PCDHA2: variants seen among roughly 807,000 people sequenced by gnomAD.
PCDHA2 encodes the protein protocadherin alpha-2.
Under a neutral mutation model 66.0 loss-of-function variants are expected in PCDHA2, and 58 were observed. The ratio of observed to expected loss-of-function variants is 0.88; its 90% CI spans 0.71 to 1.09. PCDHA2 has a LOEUF of 1.09. PCDHA2 is among the 50% of genes least tolerant of loss of function. The pLI, the probability that PCDHA2 is intolerant of heterozygous loss-of-function variation, is 0.00. For missense variants in PCDHA2, 1,267 were observed against 1,242.3 expected (o/e 1.02, Z -0.30); for synonymous variants, 634 against 554.0 (o/e 1.14, Z -2.03).
intron 1 of PCDHA2, chr5:140,863,783 G>A: frequency 4.4e-6 from 1 of 226,522 alleles, no homozygotes; most frequent in South Asian, 6.5e-5. Flanking sequence ...CGGATCACTC[G>A]AGGCCAGGAG....
At chr5:140,843,435 G>A (rs2150359827) in intron 1 of PCDHA2, 3 of 1,596,130 alleles carry the variant, frequency 1.9e-6, no homozygotes, top group Non-Finnish European at 2.6e-6. Flanking sequence ...ATCGCCATCT[G>A]CGCGGTATCC....
chr5:140,864,844 C>T (rs894176807), intron 1 of PCDHA2: 3 of 152,100 alleles, frequency 2.0e-5, no homozygotes, highest in Admixed American at 2.0e-4. Context: ...AGAGAGTCTT[C>T]CCATACATGA....
At chr5:140,876,876 C>T (rs1439703522) in intron 1 of PCDHA2, 1 of 1,614,012 alleles carries the variant, frequency 6.2e-7, no homozygotes, top group Non-Finnish European at 8.5e-7. Context: ...AGGAGAACAA[C>T]CCGCCGGGCT....
chr5:140,882,234 T>C, intron 1 of PCDHA2: 1 of 1,579,306 alleles, frequency 6.3e-7, no homozygotes, highest in Non-Finnish European at 8.6e-7. Flanking sequence ...GCGTTGTATA[T>C]ATTGCAGATA....
intron 3 of PCDHA2, among the ~76,000 whole-genome samples, chr5:141,008,972 C>T (rs1554261973): frequency 6.6e-6 from 1 of 152,148 alleles, no homozygotes; most frequent in African/African-American, 2.4e-5. Context: ...CATTTATAGC[C>T]AAAGTTTAAT....
chr5:140,955,867 C>T (rs1208648426), intron 1 of PCDHA2, among the ~76,000 whole-genome samples: 1 of 152,136 alleles, frequency 6.6e-6, no homozygotes, highest in Non-Finnish European at 1.5e-5. Context: ...CTTCACTTCC[C>T]TTTTTAGCTG....
chr5:140,797,035 G>A lies in PCDHA2; in HGVS notation c.2071G>A (p.Ala691Thr), dbSNP rs1762174350. The A allele has an allele frequency of 2.5e-6, 4 of 1,613,728 alleles. No individual in the cohort carries two copies. The highest frequency in any genetic ancestry group is 3.4e-6 in the Non-Finnish European group (4 of 1,179,968). ...RAWVGAAGSE[A>T]TLVDVNVYLI... is the part of the protein sequence containing the mutation. ...GTGGGTGGGCGCCGCGGGCTCAGAG[G>A]CTACGCTGGTGGATGTCAACGTGTA... Residue 691 changes from alanine (A) to threonine (T), a missense_variant, in exon 1 of 4, where the codon GCT becomes ACT. By Grantham distance (58) the Ala-to-Thr change is moderately conservative (BLOSUM62 0). Coordinates refer to ENST00000526136, the MANE Select transcript of PCDHA2 (RefSeq NM_018905.3).
chr5:140,926,885 GAGGGA>G (rs782449015), intron 1 of PCDHA2: 1 of 1,543,482 alleles, frequency 6.5e-7, no homozygotes, highest in Non-Finnish European at 8.7e-7. Context: ...TGGACGCCTA[GAGGGA>G]GGATGGTGGG....
At chr5:140,861,327 T>C (rs1363614329) in intron 1 of PCDHA2, 2 of 243,212 alleles carry the variant, frequency 8.2e-6, no homozygotes, top group Middle Eastern at 1.5e-3. Flanking sequence ...CACTACACCA[T>C]CCTGGAAGAG....
At position 140,807,206 on chromosome 5, in the gene PCDHA2, A is replaced by G. The variant is rs782751422; in HGVS notation, c.2388+9854A>G. On this transcript the variant is annotated intron_variant, in intron 1 of 3. Transcript: ENST00000526136. ...ACTAAAGATGGAGTTTTCCTGGGGAAGCGGCCAGGAATCCCGGCGTCTGCT... is the reference window on the plus strand; with the variant it reads ...ACTAAAGATGGAGTTTTCCTGGGGAGGCGGCCAGGAATCCCGGCGTCTGCT... 4.0e-5 allele frequency: 64 copies of G among 1,613,810 alleles called. 1 individual carries two copies. The South Asian group carries it at 6.6e-4, about 17-fold the overall frequency.
intron 1 of PCDHA2, among the ~76,000 whole-genome samples, chr5:140,937,563 G>T (rs986469529): frequency 2.0e-5 from 3 of 151,960 alleles, no homozygotes; most frequent in African/African-American, 7.3e-5. Flanking sequence ...GTTGCAGTGA[G>T]CTGGGATCGC....
rs2150160654 is a variant in PCDHA2, at chr5:140,828,910, G to C, written c.2388+31558G>C. 5.1e-4 allele frequency: 824 copies of C among 1,613,504 alleles called. 1 individual carries two copies. Among genetic ancestry groups the C allele is most frequent in the East Asian group, 3.0e-3 (136 of 44,886 alleles). On this transcript the variant is annotated intron_variant, in intron 1 of 3. Coordinates refer to ENST00000526136, the MANE Select transcript of PCDHA2 (RefSeq NM_018905.3). ...ATGCTTCTGATCGGGATGAAGGAGC[G>C]AATGGGGCAATTTCATATTCTTTTA... is the stretch of plus-strand genomic sequence containing the variant.
intron 1 of PCDHA2, among the ~76,000 whole-genome samples, chr5:140,943,778 G>A (rs1554215923): frequency 6.6e-6 from 1 of 152,242 alleles, no homozygotes; most frequent in African/African-American, 2.4e-5. Flanking sequence ...AAACTAGGAA[G>A]TGGTCCTTTA....
chr5:140,822,254 A>C, intron 1 of PCDHA2: 1 of 1,614,260 alleles, frequency 6.2e-7, no homozygotes, highest in Non-Finnish European at 8.5e-7. Flanking sequence ...TCGGATTTGG[A>C]TATTGGAGCA....
At position 140,917,056 on chromosome 5, in the gene PCDHA2, T is replaced by C. The variant is rs539112715; in HGVS notation, c.2389-61893T>C. Among the ~76,000 whole-genome samples the C allele has an allele frequency of 5.9e-5, 9 of 152,280 alleles. No individual in the cohort carries two copies. The East Asian group carries it at 1.7e-3, about 29-fold the overall frequency. On this transcript the variant is annotated intron_variant, in intron 1 of 3. Transcript: ENST00000526136. ...AGTCCAGCACAGTGTTGTTCCCTGCTACGACAGCACCGAGTTTAATGTAAA... is the reference window on the plus strand; with the variant it reads ...AGTCCAGCACAGTGTTGTTCCCTGCCACGACAGCACCGAGTTTAATGTAAA...
chr5:140,937,288 C>T (rs1473599964), intron 1 of PCDHA2, among the ~76,000 whole-genome samples: 1 of 152,072 alleles, frequency 6.6e-6, no homozygotes, highest in African/African-American at 2.4e-5. Context: ...TCACCCGCTT[C>T]GGCCTCCCAA....
chr5:140,856,851 C>T (rs140022509), intron 1 of PCDHA2: 4 of 1,593,160 alleles, frequency 2.5e-6, no homozygotes, highest in Admixed American at 1.7e-5. Context: ...GCTTCTGATT[C>T]GGATGAAGGA....
rs782116961 is a variant in PCDHA2, at chr5:140,966,933, C to T, written c.2389-12016C>T. On this transcript the variant is annotated intron_variant, in intron 1 of 3. Transcript: ENST00000526136. ...GTGCCAGAGGAGCAGGCACCCGGCGCGCTCGTGGGCAACGTGGCTCGCGCG... is the reference window on the plus strand; with the variant it reads ...GTGCCAGAGGAGCAGGCACCCGGCGTGCTCGTGGGCAACGTGGCTCGCGCG... 2.5e-6 allele frequency: 4 copies of T among 1,603,904 alleles called. No individual in the cohort carries two copies. The highest frequency in any genetic ancestry group is 1.1e-5 in the South Asian group (1 of 90,778).
chr5:140,903,420 G>A (rs1562939328), intron 1 of PCDHA2, among the ~76,000 whole-genome samples: 1 of 152,150 alleles, frequency 6.6e-6, no homozygotes, highest in Non-Finnish European at 1.5e-5. Flanking sequence ...GAAAAATTCA[G>A]CACAATATGT....
Sources: allele counts gnomAD v4.1 joint callset (sites outside exome capture counted in the v4.1 genomes callset), GRCh38; gene constraint gnomAD v4.1.1; transcripts MANE v1.5; gene names NCBI Gene and HGNC (gene_info 2026-07-23, HGNC 2026-07-21).